Variants in CFAP161 observed in about 807,000 individuals in gnomAD.
The protein encoded by CFAP161 is cilia and flagella associated protein 161.
A neutral mutation model predicts 29.0 loss-of-function variants in CFAP161; 25 were observed. That is an observed-to-expected ratio of 0.86 (90% CI 0.63 to 1.20). CFAP161 has a LOEUF of 1.20. CFAP161 is among the 50% of genes most tolerant of loss of function. The probability of loss-of-function intolerance (pLI) is 0.00; values close to 1 mark genes in which losing one functional copy is unlikely to be tolerated. For synonymous variants in CFAP161, 116 were observed against 137.4 expected, an observed-to-expected ratio of 0.84 and a Z score of 1.09; for missense variants, 367 against 371.9, an observed-to-expected ratio of 0.99 and a Z score of 0.11.
At chr15:81,137,958 T>A in intron 3 of CFAP161, 93 bp from the exon 4 acceptor site, 3 of 913,548 alleles carry the variant, frequency 3.3e-6, no homozygotes. Flanking sequence ...AAAAACTGAT[T>A]ATAAACAAAA....
upstream of CFAP161, among the ~76,000 whole-genome samples, chr15:81,130,482 C>G (rs1255708053): frequency 6.6e-6 from 1 of 152,166 alleles, no homozygotes; most frequent in Non-Finnish European, 1.5e-5. Flanking sequence ...AGGTGGATCA[C>G]AAGGTCAGGA....
At chr15:81,136,171 C>A (rs906822770) in intron 2 of CFAP161, among the ~76,000 whole-genome samples, 1 of 152,178 alleles carries the variant, frequency 6.6e-6, no homozygotes, top group Non-Finnish European at 1.5e-5. Context: ...TGCCCTAAAT[C>A]ATGTTTACCT....
chr15:81,145,708 A>G (rs147051177), intron 5 of CFAP161, among the ~76,000 whole-genome samples: 31 of 152,288 alleles, frequency 2.0e-4, no homozygotes, highest in African/African-American at 7.5e-4. Flanking sequence ...CATGTCAATG[A>G]CCTCTGGCTA....
At chr15:81,112,432 T>TC (rs1894450054) in intron 1 of CFAP161, among the ~76,000 whole-genome samples, 1 of 152,192 alleles carries the variant, frequency 6.6e-6, no homozygotes, top group South Asian at 2.1e-4. Context: ...CCCAAGAGCT[T>TC]CATCAAATAA....
intron 1 of CFAP161, among the ~76,000 whole-genome samples, chr15:81,126,332 ACTTC>A (rs1894641368): frequency 6.6e-6 from 1 of 152,116 alleles, no homozygotes; most frequent in East Asian, 1.9e-4. Context: ...ATTTTGAAAA[ACTTC>A]CTTCATCTTA....
At chr15:81,140,498 A>G (rs763740328) in intron 4 of CFAP161, among the ~76,000 whole-genome samples, 3 of 151,682 alleles carry the variant, frequency 2.0e-5, no homozygotes, top group Non-Finnish European at 4.4e-5. Flanking sequence ...TACTGTATAT[A>G]CTACCCTGTG....
chr15:81,100,030 G>A (rs923649428), intron 1 of CFAP161, among the ~76,000 whole-genome samples: 2 of 151,834 alleles, frequency 1.3e-5, no homozygotes, highest in Non-Finnish European at 2.9e-5. Flanking sequence ...GATAATACAT[G>A]TACGGCATTT....
chr15:81,123,567 T>C (rs1894602975), intron 1 of CFAP161, among the ~76,000 whole-genome samples: 1 of 152,216 alleles, frequency 6.6e-6, no homozygotes, highest in African/African-American at 2.4e-5. Flanking sequence ...TTTTTCTAGT[T>C]CTATGAAGAA....
At chr15:81,131,311 A>G (rs1345477642), upstream of CFAP161, among the ~76,000 whole-genome samples, 1 of 152,120 alleles carries the variant, frequency 6.6e-6, no homozygotes, top group Non-Finnish European at 1.5e-5. Context: ...CAAACAAACA[A>G]AAAAGTCAAC....
At chr15:81,115,211 T>G (rs111906557) in intron 1 of CFAP161, among the ~76,000 whole-genome samples, 22 of 152,276 alleles carry the variant, frequency 1.4e-4, no homozygotes, top group African/African-American at 5.3e-4. Context: ...GTCAGGGAAT[T>G]TTTTCTTTTT....
At position 81,135,334 on chromosome 15, in the gene CFAP161, G is replaced by A; in HGVS notation, c.134G>A (p.Arg45Lys). The part of the protein sequence containing the change: ...KGKLLIQRSR[R>K]LKQNLLRPMQ... ...AAACTTCTCATACAGAGAAGTAGAA[G>A]ACTAAAACAGAATCTCTTGAGACCG... The change falls in exon 2 of 7, where the codon AGA (arginine) becomes AAA (lysine). Residue 45 changes from arginine to lysine, a missense_variant. By Grantham distance (26) the Arg-to-Lys change is conservative. Transcript: ENST00000286732. 6.3e-7 allele frequency: 1 copy of A among 1,594,124 alleles called. No individual in the cohort carries two copies. The highest frequency in any genetic ancestry group is 8.5e-7 in the Non-Finnish European group (1 of 1,174,472).
upstream of CFAP161, among the ~76,000 whole-genome samples, chr15:81,130,654 C>T (rs575338193): frequency 2.0e-4 from 31 of 152,250 alleles, no homozygotes; most frequent in South Asian, 3.9e-3. Flanking sequence ...GAGCCAAGAT[C>T]GTGCCACTGC....
intron 1 of CFAP161, chr15:81,117,686 G>A (rs145008169): frequency 3.6e-5 from 10 of 279,554 alleles, no homozygotes; most frequent in Non-Finnish European, 5.7e-5. Flanking sequence ...CACCTTTTCC[G>A]CTTTCTTCCT....
Position 81,135,363 on chromosome 15 carries a change from A to C in CFAP161, c.159+4A>C, listed in dbSNP as rs1894791695. 1 of 1,571,524 alleles carries C rather than the reference A, an allele frequency of 6.4e-7. No individual in the cohort carries two copies. The highest frequency in any genetic ancestry group is 1.2e-5 in the South Asian group (1 of 84,326). ...AAAACAGAATCTCTTGAGACCGGTA[A>C]CTTTTTTTTTTTTTATTACACTTTA... is the stretch of plus-strand genomic sequence containing the variant. On this transcript the variant is annotated splice_donor_region_variant and intron_variant, in intron 2 of 6. Coordinates refer to ENST00000286732, the MANE Select transcript of CFAP161 (RefSeq NM_173528.4).
At chr15:81,105,122 TACCTTTCTCCC>T (rs1894348767) in intron 1 of CFAP161, among the ~76,000 whole-genome samples, 1 of 13,200 alleles carries the variant, frequency 7.6e-5, no homozygotes, top group Non-Finnish European at 2.1e-4. Flanking sequence ...TTCTCCCCCA[TACCTTTCTCCC>T]CCCTCCCCTC....
chr15:81,130,917 A>G (rs372936096), upstream of CFAP161, among the ~76,000 whole-genome samples: 16 of 152,290 alleles, frequency 1.1e-4, no homozygotes, highest in East Asian at 2.7e-3. Context: ...TGGATTTGCT[A>G]TCTTATATGC....
intron 1 of CFAP161, among the ~76,000 whole-genome samples, chr15:81,118,648 G>C (rs1894531276): frequency 6.6e-6 from 1 of 152,254 alleles, no homozygotes; most frequent in African/African-American, 2.4e-5. Context: ...GGCCGGACCA[G>C]CGCACACGCA....
chr15:81,134,269 C>G (rs563693850), upstream of CFAP161: 1 of 1,544,416 alleles, frequency 6.5e-7, no homozygotes, highest in East Asian at 2.4e-5. Context: ...GTCGTCATGG[C>G]GACGCGCCAC....
In CFAP161 at chr15:81,143,655, T is replaced by C; in HGVS notation, c.478-7T>C. 2 of 1,607,670 alleles carry C rather than the reference T, an allele frequency of 1.2e-6. No individual in the cohort carries two copies. The highest frequency in any genetic ancestry group is 1.7e-6 in the Non-Finnish European group (2 of 1,175,456). On this transcript the variant is annotated splice_polypyrimidine_tract_variant and splice_region_variant and intron_variant, in intron 4 of 6. Transcript: ENST00000286732. ...GACTTAGTGCATCTGCTTGCTGTCA[T>C]TTTCAGTTGTATTTGTCAAGTGACC...
Sources: gnomAD v4.1 joint callset for allele counts (sites outside exome capture counted in the v4.1 genomes callset) on GRCh38, gnomAD v4.1.1 for gene constraint, MANE v1.5 for transcripts, NCBI Gene and HGNC (gene_info 2026-07-23, HGNC 2026-07-21) for gene names.